Variants in CHCHD3 observed in about 807,000 individuals in gnomAD.
The protein encoded by CHCHD3 is MICOS complex subunit MIC19.
CHCHD3 carries 20 observed loss-of-function variants against 38.2 expected under a neutral mutation model. The observed-to-expected ratio is 0.52, with a 90% confidence interval of 0.37 to 0.76. The LOEUF (loss-of-function observed/expected upper bound fraction) is 0.76. Ranked by LOEUF, CHCHD3 falls within the 30% of genes least tolerant of loss-of-function variation. The probability of loss-of-function intolerance (pLI) is 0.00; values close to 1 mark genes in which losing one functional copy is unlikely to be tolerated. For synonymous variants in CHCHD3, 82 were observed against 100.0 expected, an observed-to-expected ratio of 0.82 and a Z score of 1.07; for missense variants, 245 against 279.2, an observed-to-expected ratio of 0.88 and a Z score of 0.87.
At chr7:133,066,086 A>T (rs979759474) in intron 2 of CHCHD3, among the ~76,000 whole-genome samples, 23 of 152,238 alleles carry the variant, frequency 1.5e-4, no homozygotes, top group Non-Finnish European at 2.9e-5. Context: ...TATGGTAGTC[A>T]AAAGCCACAT....
At chr7:132,964,372 G>A (rs917569064) in intron 4 of CHCHD3, among the ~76,000 whole-genome samples, 2 of 152,280 alleles carry the variant, frequency 1.3e-5, no homozygotes, top group Admixed American at 1.3e-4. Flanking sequence ...CACAAGGTCA[G>A]GAGTTCAAGA....
intron 2 of CHCHD3, among the ~76,000 whole-genome samples, chr7:133,028,757 C>G (rs1401034710): frequency 6.6e-6 from 1 of 151,988 alleles, no homozygotes; most frequent in Non-Finnish European, 1.5e-5. Context: ...TGGTGGTGCA[C>G]ACCTGCAATC....
chr7:132,805,016 C>T (rs1806880212), intron 6 of CHCHD3, among the ~76,000 whole-genome samples: 3 of 152,182 alleles, frequency 2.0e-5, no homozygotes, highest in Admixed American at 2.0e-4. Context: ...AAAATGGGGC[C>T]AATAGGCCAT....
chr7:132,837,055 A>G (rs1412263275), intron 6 of CHCHD3, among the ~76,000 whole-genome samples: 1 of 152,168 alleles, frequency 6.6e-6, no homozygotes, highest in Non-Finnish European at 1.5e-5. Flanking sequence ...TTTCCCGTCC[A>G]CCTACTCAAT....
rs1026892066 is a variant in CHCHD3 at position 132,902,107 on chromosome 7, C to G, written c.370-16362G>C. Among the ~76,000 whole-genome samples the G allele has an allele frequency of 7.9e-5, 12 of 152,180 alleles. No homozygotes were observed. The South Asian group carries it at 1.5e-3, about 18-fold the overall frequency. On this transcript the variant is annotated intron_variant, in intron 4 of 7. Coordinates refer to ENST00000262570, the MANE Select transcript of CHCHD3 (RefSeq NM_017812.4). Reference sequence around the variant, plus strand: ...AGGGAATCCTTTCCCCATTTCTTGTCAAAAACCACAATGAGATACCATCTC... The same window carrying G: ...AGGGAATCCTTTCCCCATTTCTTGTGAAAAACCACAATGAGATACCATCTC...
At chr7:132,828,351 T>C (rs1036770823) in intron 6 of CHCHD3, among the ~76,000 whole-genome samples, 2 of 152,188 alleles carry the variant, frequency 1.3e-5, no homozygotes, top group African/African-American at 4.8e-5. Context: ...TCTAATGATG[T>C]AGAAACTCCT....
At chr7:133,018,323 G>A (rs1203219844) in intron 3 of CHCHD3, among the ~76,000 whole-genome samples, 1 of 152,222 alleles carries the variant, frequency 6.6e-6, no homozygotes, top group African/African-American at 2.4e-5. Flanking sequence ...TGTCGCTGAA[G>A]AGCTACAACT....
intron 5 of CHCHD3, among the ~76,000 whole-genome samples, chr7:132,843,703 G>C (rs1190384374): frequency 6.6e-6 from 1 of 152,176 alleles, no homozygotes; most frequent in Admixed American, 6.5e-5. Context: ...CTGTTGTCTT[G>C]AGATGGTAAT....
At chr7:132,987,054 GTTC>G (rs1210669027) in intron 3 of CHCHD3, among the ~76,000 whole-genome samples, 1 of 152,146 alleles carries the variant, frequency 6.6e-6, no homozygotes, top group East Asian at 1.9e-4. Context: ...ACCCTTTAAA[GTTC>G]TTCTGATATT....
At position 132,824,314 on chromosome 7, in the gene CHCHD3, C is replaced by CTTTTTTTTTTTT. The variant is rs57262694; in HGVS notation, c.524+14073_524+14084dup. ...AAAAATATTCCCAAGTAGTAGAACT[C>CTTTTTTTTTTTT]TTTTTTTTTTTTTTTTTTTTTTGAG... On this transcript the variant is annotated intron_variant, in intron 6 of 7. Coordinates refer to ENST00000262570, the MANE Select transcript of CHCHD3 (RefSeq NM_017812.4). Among the ~76,000 whole-genome samples, 718 of 90,110 alleles carry CTTTTTTTTTTTT rather than the reference C, an allele frequency of 8.0e-3. 57 individuals carry two copies. Among genetic ancestry groups the CTTTTTTTTTTTT allele is most frequent in the Admixed American group, 0.012 (78 of 6,582 alleles). The allele number at this position is 90,110 out of a possible 152,430, so 59.1% of individuals were successfully genotyped here.
intron 3 of CHCHD3, among the ~76,000 whole-genome samples, chr7:133,010,719 C>T (rs192651913): frequency 7.9e-4 from 120 of 152,170 alleles, no homozygotes; most frequent in African/African-American, 2.1e-3. Flanking sequence ...GCTGGGACTA[C>T]GGATGCCTGC....
At chr7:132,839,090 G>T (rs1321451288) in intron 5 of CHCHD3, among the ~76,000 whole-genome samples, 4 of 152,004 alleles carry the variant, frequency 2.6e-5, no homozygotes, top group Non-Finnish European at 5.9e-5. Flanking sequence ...TAATCAGGAG[G>T]CTGAGGCAGG....
chr7:132,848,428 C>T (rs1371422261), intron 5 of CHCHD3, among the ~76,000 whole-genome samples: 3 of 152,148 alleles, frequency 2.0e-5, no homozygotes, highest in African/African-American at 4.8e-5. Context: ...TTAATTGCTG[C>T]GCAGATACAA....
chr7:133,022,634 G>GA (rs1190783770), intron 3 of CHCHD3: 28 of 391,158 alleles, frequency 7.2e-5, no homozygotes, highest in Non-Finnish European at 1.4e-4. Context: ...TTTTAAAAAA[G>GA]AAAAAATAAT....
chr7:132,999,662 G>A (rs1485212403), intron 3 of CHCHD3, among the ~76,000 whole-genome samples: 1 of 151,514 alleles, frequency 6.6e-6, no homozygotes, highest in Non-Finnish European at 1.5e-5. Flanking sequence ...AATTGTCAGT[G>A]ACAATGATCT....
At chr7:132,886,426 C>G (rs560592319) in intron 4 of CHCHD3, among the ~76,000 whole-genome samples, 1 of 151,784 alleles carries the variant, frequency 6.6e-6, no homozygotes, top group East Asian at 1.9e-4. Context: ...AAGATGGCTA[C>G]TTACCGATAT....
At chr7:132,898,066 C>T (rs1411591183) in intron 4 of CHCHD3, among the ~76,000 whole-genome samples, 1 of 151,704 alleles carries the variant, frequency 6.6e-6, no homozygotes, top group Non-Finnish European at 1.5e-5. Flanking sequence ...TTGTTCCTCC[C>T]GGTGGGCTCG....
chr7:133,027,448 G>C (rs1001067266), intron 2 of CHCHD3, among the ~76,000 whole-genome samples: 2 of 145,310 alleles, frequency 1.4e-5, no homozygotes, highest in Non-Finnish European at 3.0e-5. Context: ...GAGGGAGGGA[G>C]GGGGGGAGAG....
intron 4 of CHCHD3, among the ~76,000 whole-genome samples, chr7:132,929,869 CAG>C (rs1810474819): frequency 6.6e-6 from 1 of 152,122 alleles, no homozygotes; most frequent in African/African-American, 2.4e-5. Flanking sequence ...ATGAAAGTCA[CAG>C]AACCTATGGT....
Sources: gnomAD v4.1 joint callset for allele counts (sites outside exome capture counted in the v4.1 genomes callset) on GRCh38, gnomAD v4.1.1 for gene constraint, MANE v1.5 for transcripts, NCBI Gene and HGNC (gene_info 2026-07-23, HGNC 2026-07-21) for gene names.